KPNB1: variants seen among roughly 807,000 people sequenced by gnomAD.
KPNB1 encodes the protein karyopherin subunit beta 1.
KPNB1 carries 7 observed loss-of-function variants against 113.0 expected under a neutral mutation model. That is an observed-to-expected ratio of 0.06 (90% CI 0.04 to 0.12). The LOEUF is 0.12. Ranked by LOEUF, KPNB1 falls within the 10% of genes least tolerant of loss-of-function variation. The pLI, the probability that KPNB1 is intolerant of heterozygous loss-of-function variation, is 1.00. For missense variants in KPNB1, 400 were observed against 1,054.8 expected, an observed-to-expected ratio of 0.38 and a Z score of 8.60; for synonymous variants, 363 against 378.6, an observed-to-expected ratio of 0.96 and a Z score of 0.48.
At chr17:47,652,504 CTAAG>C (rs1915608768) in intron 2 of KPNB1, among the ~76,000 whole-genome samples, 186 bp from the exon 3 acceptor site, 1 of 152,062 alleles carries the variant, frequency 6.6e-6, no homozygotes, top group African/African-American at 2.4e-5. Context: ...TCCTGTTACA[CTAAG>C]TAACATTTTT....
chr17:47,671,325 T>C (rs920454357), intron 12 of KPNB1, among the ~76,000 whole-genome samples: 6 of 152,210 alleles, frequency 3.9e-5, no homozygotes, highest in African/African-American at 1.4e-4. Flanking sequence ...AGATTCCACC[T>C]ACCTTAGAAT....
intron 15 of KPNB1, among the ~76,000 whole-genome samples, 193 bp downstream of exon 15, chr17:47,674,975 A>T (rs1295311734): frequency 6.6e-6 from 1 of 152,162 alleles, no homozygotes; most frequent in Non-Finnish European, 1.5e-5. Flanking sequence ...GCACACCACC[A>T]TGCCCAGCTA....
chr17:47,682,224 A>T (rs1474346041), intron 21 of KPNB1, among the ~76,000 whole-genome samples, 180 bp from the exon 22 acceptor site: 1 of 152,192 alleles, frequency 6.6e-6, no homozygotes, highest in Non-Finnish European at 1.5e-5. Flanking sequence ...GCACCCTCTG[A>T]TGTAGGTGTT....
At chr17:47,672,351 T>A (rs1369354790) in intron 12 of KPNB1, among the ~76,000 whole-genome samples, 1 of 152,092 alleles carries the variant, frequency 6.6e-6, no homozygotes, top group Non-Finnish European at 1.5e-5. Flanking sequence ...CATGCCTCTT[T>A]GAGATTATAT....
chr17:47,670,901 T>TA (rs2030424752), intron 12 of KPNB1, 69 bp downstream of exon 12: 1 of 1,337,892 alleles, frequency 7.5e-7, no homozygotes, highest in African/African-American at 1.4e-5. Context: ...GTGTGGAGGA[T>TA]ATCTAGCTTA....
At chr17:47,667,685 G>A (rs1238604564) in intron 9 of KPNB1, among the ~76,000 whole-genome samples, 1 of 151,634 alleles carries the variant, frequency 6.6e-6, no homozygotes, top group Admixed American at 6.6e-5. Flanking sequence ...GGCCTCCTGA[G>A]TAGCTGGGAC....
At chr17:47,671,902 G>T (rs1254976425) in intron 12 of KPNB1, 1 of 152,014 alleles carries the variant, frequency 6.6e-6, no homozygotes, top group East Asian at 1.9e-4. Flanking sequence ...TTGAAATGTT[G>T]TTTAAAGGGA....
At chr17:47,675,414 T>TGCCCA (rs1321569249) in intron 15 of KPNB1, among the ~76,000 whole-genome samples, 1 of 141,948 alleles carries the variant, frequency 7.0e-6, no homozygotes, top group Non-Finnish European at 1.5e-5. Flanking sequence ...CTTGTTCTGT[T>TGCCCA]GCCCAGGATG....
chr17:47,675,399 T>TTTTTTTTTG (rs2030587195), intron 15 of KPNB1, among the ~76,000 whole-genome samples: 1 of 139,544 alleles, frequency 7.2e-6, no homozygotes, highest in Non-Finnish European at 1.6e-5. Context: ...GTTTTTTTTT[T>TTTTTTTTTG]GAGACTTGTT....
chr17:47,665,000 C>G, intron 8 of KPNB1, 57 bp from the exon 9 acceptor site: 1 of 1,217,108 alleles, frequency 8.2e-7, no homozygotes, highest in East Asian at 2.3e-5. Flanking sequence ...TCATTGTATG[C>G]CTTTAGTATA....
chr17:47,659,800 G>A (rs947580588), intron 5 of KPNB1, among the ~76,000 whole-genome samples: 7 of 151,948 alleles, frequency 4.6e-5, no homozygotes. Context: ...CCAGCTACTT[G>A]GGAAGCTGAG....
rs1242403949 is a variant in KPNB1 at position 47,669,592 on chromosome 17, A to G, written c.1225-86A>G. The G allele has an allele frequency of 1.5e-5, 15 of 976,090 alleles. No individual in the cohort carries two copies. The East Asian group carries it at 3.6e-4, about 24-fold the overall frequency. 60.5% of individuals were successfully genotyped at this position (976,090 alleles called of 1,614,324 possible). Reference sequence around the variant, plus strand: ...CTTGGTGACTTTTTTGAGTTAAGCCATCCATCAGTATTTCTTTCTCTGGGG... The same window carrying G: ...CTTGGTGACTTTTTTGAGTTAAGCCGTCCATCAGTATTTCTTTCTCTGGGG... On this transcript the variant is annotated intron_variant, in intron 10 of 21. Coordinates refer to ENST00000290158, the MANE Select transcript of KPNB1 (RefSeq NM_002265.6).
intron 4 of KPNB1, among the ~76,000 whole-genome samples, chr17:47,658,118 G>A (rs539084119): frequency 5.5e-4 from 83 of 152,258 alleles, no homozygotes; most frequent in African/African-American, 1.9e-3. Context: ...TGCTTCTGTC[G>A]TGAAGCTCCT....
chr17:47,673,753 G>A, intron 14 of KPNB1, 192 bp downstream of exon 14: 1 of 584,200 alleles, frequency 1.7e-6, no homozygotes. Context: ...TGTCTGTCTA[G>A]AAAGATTCAA....
At chr17:47,680,717 G>C (rs772607599) in intron 21 of KPNB1, 48 bp downstream of exon 21, 3 of 1,568,588 alleles carry the variant, frequency 1.9e-6, no homozygotes, top group Non-Finnish European at 2.6e-6. Context: ...CCTGGAGGAG[G>C]GGGGTATGTT....
At chr17:47,664,988 T>A in intron 8 of KPNB1, 69 bp from the exon 9 acceptor site, 1 of 1,060,572 alleles carries the variant, frequency 9.4e-7, no homozygotes, top group South Asian at 1.3e-5. Flanking sequence ...CCTGTTCGGC[T>A]CTCATTGTAT....
intron 12 of KPNB1, 73 bp downstream of exon 12, chr17:47,670,905 T>A: frequency 7.7e-7 from 1 of 1,305,280 alleles, no homozygotes; most frequent in Non-Finnish European, 1.1e-6. Flanking sequence ...GGAGGATATC[T>A]AGCTTAATCA....
At chr17:47,666,394 T>TGTG (rs2030270640) in intron 9 of KPNB1, among the ~76,000 whole-genome samples, 3 of 139,654 alleles carry the variant, frequency 2.1e-5, no homozygotes, top group Non-Finnish European at 4.6e-5. Context: ...GTCTTTACTT[T>TGTG]TGTGTGTGTG....
At chr17:47,674,857 C>G in intron 15 of KPNB1, 75 bp downstream of exon 15, 1 of 1,481,516 alleles carries the variant, frequency 6.7e-7, no homozygotes, top group Non-Finnish European at 9.1e-7. Context: ...ATAATTGTCA[C>G]CCAGGCTGGA....
Sources: allele counts gnomAD v4.1 joint callset (sites outside exome capture counted in the v4.1 genomes callset), GRCh38; gene constraint gnomAD v4.1.1; transcripts MANE v1.5; gene names NCBI Gene and HGNC (gene_info 2026-07-23, HGNC 2026-07-21).